ZNF710: variants seen among roughly 807,000 people sequenced by gnomAD.
The protein encoded by ZNF710 is zinc finger protein 710.
Under a neutral mutation model 50.6 loss-of-function variants are expected in ZNF710, and 13 were observed. The observed-to-expected ratio is 0.26, with a 90% CI of 0.17 to 0.41. The LOEUF (loss-of-function observed/expected upper bound fraction) is 0.41. ZNF710 is among the 10% of genes least tolerant of loss of function. The probability of loss-of-function intolerance (pLI) is 1.00; values close to 1 mark genes in which losing one functional copy is unlikely to be tolerated. For synonymous variants in ZNF710, 383 were observed against 397.0 expected (o/e 0.96, Z 0.42); for missense variants, 721 against 936.6 (o/e 0.77, Z 3.01).
intron 4 of ZNF710, chr15:90,075,836 G>T (rs2151539821): frequency 6.6e-6 from 1 of 152,362 alleles, no homozygotes; most frequent in African/African-American, 2.4e-5. Context: ...AAATGTGGTA[G>T]GAGGATGAGC....
chr15:90,037,816 C>G (rs1899174941), intron 1 of ZNF710, among the ~76,000 whole-genome samples: 1 of 152,196 alleles, frequency 6.6e-6, no homozygotes, highest in South Asian at 2.1e-4. Flanking sequence ...AACTCTGGAT[C>G]TCGAGGGAGC....
chr15:90,001,966 TGAGAGAGAGA>T (rs745830369), intron 1 of ZNF710, among the ~76,000 whole-genome samples: 64 of 96,844 alleles, frequency 6.6e-4, no homozygotes, highest in South Asian at 7.1e-4. Flanking sequence ...AGCGCGCGAA[TGAGAGAGAGA>T]GAGAGAGAGA....
intron 2 of ZNF710, among the ~76,000 whole-genome samples, chr15:90,072,199 C>T (rs1028908377): frequency 1.1e-4 from 17 of 152,168 alleles, no homozygotes; most frequent in African/African-American, 3.9e-4. Flanking sequence ...GACCTCCAAA[C>T]CGTAGAAAAG....
intron 1 of ZNF710, among the ~76,000 whole-genome samples, chr15:90,038,605 A>C (rs1309166093): frequency 6.6e-6 from 1 of 151,998 alleles, no homozygotes; most frequent in East Asian, 1.9e-4. Flanking sequence ...GAACTCCAAA[A>C]ATGTTTTCGT....
intron 1 of ZNF710, among the ~76,000 whole-genome samples, chr15:90,004,453 A>C (rs1457857699): frequency 6.6e-6 from 1 of 152,194 alleles, no homozygotes; most frequent in Non-Finnish European, 1.5e-5. Context: ...GACCCCTCCC[A>C]TACCCTCGTT....
In ZNF710 at chr15:90,040,089, G is replaced by A. The variant is rs916537819; in HGVS notation, c.-28-27021G>A. 6.6e-6 allele frequency among the ~76,000 whole-genome samples: 1 copy of A among 152,246 alleles called. No individual in the cohort carries two copies. The highest frequency in any genetic ancestry group is 1.5e-5 in the Non-Finnish European group (1 of 68,034). ...TGGTGAGGAAACAGTCAGCATGCCA[G>A]TGAGAACCAGAGCCTGGGGGCACTT... On this transcript the variant is annotated intron_variant, in intron 1 of 4. Transcript: ENST00000268154. This position sits in a 1 kb window ranked among gnomAD's most constrained non-coding sequence, Gnocchi z 4.6.
chr15:90,023,099 G>A (rs1898670510), intron 1 of ZNF710, among the ~76,000 whole-genome samples: 1 of 152,122 alleles, frequency 6.6e-6, no homozygotes, highest in Non-Finnish European at 1.5e-5. Flanking sequence ...TACGGACAGG[G>A]AAACTGAGGC....
At chr15:90,002,956 C>G (rs1364706195) in intron 1 of ZNF710, among the ~76,000 whole-genome samples, 1 of 152,166 alleles carries the variant, frequency 6.6e-6, no homozygotes, top group East Asian at 1.9e-4. Flanking sequence ...TCACTGCAGC[C>G]TCCGTCTCCC....
At chr15:90,001,240 G>A (rs1898002660), upstream of ZNF710, among the ~76,000 whole-genome samples, 1 of 152,086 alleles carries the variant, frequency 6.6e-6, no homozygotes, top group African/African-American at 2.4e-5. Context: ...AGAAAACTTG[G>A]GCTGACAAGA....
rs559672600 is a variant in ZNF710 at position 90,067,825 on chromosome 15, G to A, written c.688G>A (p.Glu230Lys). The change falls in exon 2 of 5, where the codon GAG (glutamate) becomes AAG (lysine). Residue 230 changes from glutamate to lysine, a missense_variant. Transcript: ENST00000268154. The surrounding 1 kb of genome is among the most constrained non-coding windows in gnomAD (Gnocchi z 8.1). ...CCACCTGGCCCCCCTGAGTGACCCCGAGGCCCCCAGCATGGAGTCCCCGGA... is the reference window on the plus strand; with the variant it reads ...CCACCTGGCCCCCCTGAGTGACCCCAAGGCCCCCAGCATGGAGTCCCCGGA... ...PPHLAPLSDP[E>K]APSMESPEPV... The A allele has an allele frequency of 1.1e-5, 18 of 1,586,708 alleles. No homozygotes were observed. Among genetic ancestry groups the A allele is most frequent in the South Asian group, 3.4e-5 (3 of 88,070 alleles).
At chr15:90,074,454 T>G in intron 4 of ZNF710, 164 bp downstream of exon 4, 1 of 1,534,224 alleles carries the variant, frequency 6.5e-7, no homozygotes, top group Non-Finnish European at 8.7e-7. Flanking sequence ...ATGATGACAA[T>G]AACGATGGGA....
At chr15:90,011,094 C>G (rs1263905787) in intron 1 of ZNF710, among the ~76,000 whole-genome samples, 1 of 152,068 alleles carries the variant, frequency 6.6e-6, no homozygotes, top group Non-Finnish European at 1.5e-5. Flanking sequence ...CCATGCCTGG[C>G]TAATCTTTGT....
chr15:90,012,290 A>ATTTTTTTTTTTTTT (rs1026567607), intron 1 of ZNF710, among the ~76,000 whole-genome samples: 18 of 94,554 alleles, frequency 1.9e-4, no homozygotes, highest in Admixed American at 2.8e-4. Context: ...TTGAGTGTGC[A>ATTTTTTTTTTTTTT]TTTTTTTTTT....
intron 1 of ZNF710, among the ~76,000 whole-genome samples, chr15:90,021,952 A>G (rs917591704): frequency 2.6e-5 from 4 of 152,172 alleles, no homozygotes; most frequent in African/African-American, 9.6e-5. Context: ...ATGGTGGCGC[A>G]TGCCTGTAAG....
chr15:90,008,443 T>TATATATATATATATAC (rs1567218418), intron 1 of ZNF710, among the ~76,000 whole-genome samples: 1 of 140,530 alleles, frequency 7.1e-6, no homozygotes, highest in African/African-American at 2.9e-5. Context: ...TATATATACA[T>TATATATATATATATAC]ATATATATAT....
At position 90,068,430 on chromosome 15, in the gene ZNF710, C is replaced by T. The variant is rs745726978; in HGVS notation, c.1293C>T (p.Gly431=). 13 of 1,613,974 alleles carry T rather than the reference C, an allele frequency of 8.1e-6. No homozygotes were observed. The highest frequency in any genetic ancestry group is 1.0e-5 in the Non-Finnish European group (12 of 1,180,058). Residue 431 remains glycine, a synonymous_variant, in exon 2 of 5, where the codon GGC becomes GGT. Transcript: ENST00000268154. This position sits in a 1 kb window ranked among gnomAD's most constrained non-coding sequence, Gnocchi z 5.0. ...AGCGCCACCTGGCCTCCCACCAGGG[C>T]CCCACCCTCTACCAGTGCCTCGAGT... ...QLKRHLASHQ[G]PTLYQCLECD...
chr15:90,018,170 C>CTTTTTT (rs5814406), intron 1 of ZNF710, among the ~76,000 whole-genome samples: 1 of 128,388 alleles, frequency 7.8e-6, no homozygotes, highest in Non-Finnish European at 1.7e-5. Context: ...TTTCTTTTTT[C>CTTTTTT]TTTTTTTTTT....
At chr15:90,074,623 T>A in intron 4 of ZNF710, 1 of 818,630 alleles carries the variant, frequency 1.2e-6, no homozygotes, top group East Asian at 5.5e-5. Flanking sequence ...GTTTTACAGA[T>A]GCAGAAACTG....
intron 1 of ZNF710, among the ~76,000 whole-genome samples, chr15:90,042,997 G>A (rs1327048700): frequency 6.6e-6 from 1 of 152,216 alleles, no homozygotes; most frequent in Admixed American, 6.5e-5. Flanking sequence ...CAACCCACCC[G>A]CTTACCCTCC....
Sources: gnomAD v4.1 joint callset for allele counts (sites outside exome capture counted in the v4.1 genomes callset) on GRCh38, gnomAD v4.1.1 for gene constraint, Gnocchi (gnomAD v3.1) non-coding constraint, MANE v1.5 for transcripts, NCBI Gene and HGNC (gene_info 2026-07-23, HGNC 2026-07-21) for gene names.